ZNF277: variants seen among roughly 807,000 people sequenced by gnomAD.
The protein encoded by ZNF277 is nuclear receptor-interacting factor 4.
A neutral mutation model predicts 60.7 loss-of-function variants in ZNF277; 55 were observed. The observed-to-expected ratio is 0.91, with a 90% CI of 0.73 to 1.13. The LOEUF is 1.13. Among genes scored for constraint, ZNF277 ranks in the 50% most tolerant of loss-of-function variants. The pLI, the probability that ZNF277 is intolerant of heterozygous loss-of-function variation, is 0.00. For synonymous variants in ZNF277, 178 were observed against 179.3 expected (o/e 0.99, Z 0.06); for missense variants, 510 against 523.0 (o/e 0.98, Z 0.24).
chr7:112,299,053 G>T lies in ZNF277; in HGVS notation c.465+2742G>T, dbSNP rs550815168. On this transcript the variant is annotated intron_variant, in intron 4 of 11. Transcript: ENST00000361822. ...GGGAAAGCAGAGGCAGTTTACAATA[G>T]CCCGCCACTGGAATTCTGATTAGAG... 1.1e-3 allele frequency among the ~76,000 whole-genome samples: 169 copies of T among 152,168 alleles called. 5 individuals carry two copies. The South Asian group carries it at 0.017, about 15-fold the overall frequency.
intron 1 of ZNF277, among the ~76,000 whole-genome samples, chr7:112,224,575 G>A (rs1822127770): frequency 6.6e-6 from 1 of 152,178 alleles, no homozygotes; most frequent in African/African-American, 2.4e-5. Flanking sequence ...GGCAGGCCAG[G>A]GTAATCAGAT....
chr7:112,340,161 G>T (rs1793415372), intron 10 of ZNF277, among the ~76,000 whole-genome samples: 2 of 152,174 alleles, frequency 1.3e-5, no homozygotes, highest in African/African-American at 4.8e-5. Flanking sequence ...TCATAAATTG[G>T]AGGGGGCTAG....
chr7:112,296,268 C>G lies in ZNF277; in HGVS notation c.422C>G (p.Pro141Arg). 6.3e-7 allele frequency: 1 copy of G among 1,592,810 alleles called. No individual in the cohort carries two copies. The highest frequency in any genetic ancestry group is 1.1e-5 in the South Asian group (1 of 87,012). ...ENYFLLCDVL[P>R]EDRILREELQ... is the part of the protein sequence containing the mutation. ...TATTTTTTGTTATGTGACGTTTTACCAGAAGATAGAATTCTTAGAGAAGAG... is the reference window on the plus strand; with the variant it reads ...TATTTTTTGTTATGTGACGTTTTACGAGAAGATAGAATTCTTAGAGAAGAG... The change falls in exon 4 of 12, where the codon CCA becomes CGA. Residue 141 changes from proline (P) to arginine (R), a missense_variant. By Grantham distance (103) the Pro-to-Arg change is moderately radical (BLOSUM62 -2). Coordinates refer to ENST00000361822, the MANE Select transcript of ZNF277 (RefSeq NM_021994.3).
chr7:112,237,573 A>G (rs974330400), intron 1 of ZNF277, among the ~76,000 whole-genome samples: 5 of 152,148 alleles, frequency 3.3e-5, no homozygotes, highest in South Asian at 2.1e-4. Flanking sequence ...ACTAAACAAC[A>G]CTATGCTCAC....
intron 1 of ZNF277, among the ~76,000 whole-genome samples, chr7:112,208,343 C>T (rs898100720): frequency 6.6e-6 from 1 of 151,902 alleles, no homozygotes; most frequent in Non-Finnish European, 1.5e-5. Context: ...CACTGCACTC[C>T]AGCCTGGGAG....
intron 1 of ZNF277, among the ~76,000 whole-genome samples, chr7:112,213,095 A>G (rs1821795930): frequency 6.6e-6 from 1 of 152,204 alleles, no homozygotes; most frequent in South Asian, 2.1e-4. Context: ...AGATAATTGA[A>G]TCATAGGGGC....
chr7:112,277,874 C>T (rs1349817795), intron 1 of ZNF277, among the ~76,000 whole-genome samples: 1 of 152,162 alleles, frequency 6.6e-6, no homozygotes, highest in Non-Finnish European at 1.5e-5. Flanking sequence ...GCACCAAATA[C>T]AAATCTATTG....
In ZNF277 at chr7:112,299,869, C is replaced by T. The variant is rs569077323; in HGVS notation, c.465+3558C>T. Among the ~76,000 whole-genome samples the T allele has an allele frequency of 2.9e-4, 44 of 152,220 alleles. 1 individual carries two copies. In the South Asian group the frequency reaches 6.0e-3, roughly 21 times the overall value. ...CATTTGCTGACTTGATTTGCATTAA[C>T]GATGATTTGCATATGTATTATTCTT... On this transcript the variant is annotated intron_variant, in intron 4 of 11. Transcript: ENST00000361822.
At chr7:112,267,443 G>A (rs1232970172) in intron 1 of ZNF277, among the ~76,000 whole-genome samples, 1 of 152,108 alleles carries the variant, frequency 6.6e-6, no homozygotes, top group African/African-American at 2.4e-5. Flanking sequence ...TTATCTTACT[G>A]AAAATTATCA....
chr7:112,290,372 T>G (rs1039722048), intron 2 of ZNF277, among the ~76,000 whole-genome samples: 11 of 152,186 alleles, frequency 7.2e-5, no homozygotes, highest in African/African-American at 2.4e-4. Flanking sequence ...ATTAATCTCA[T>G]TATCCTAATA....
intron 4 of ZNF277, among the ~76,000 whole-genome samples, chr7:112,305,226 A>G (rs973477259): frequency 6.6e-6 from 1 of 151,914 alleles, no homozygotes; most frequent in East Asian, 1.9e-4. Flanking sequence ...TTCCTTAAAA[A>G]TAATAATAAT....
At chr7:112,322,088 C>T (rs1792996366) in intron 5 of ZNF277, among the ~76,000 whole-genome samples, 1 of 152,096 alleles carries the variant, frequency 6.6e-6, no homozygotes, top group African/African-American at 2.4e-5. Context: ...TCCCCTGCCC[C>T]ACCAGGATTT....
intron 1 of ZNF277, among the ~76,000 whole-genome samples, chr7:112,229,839 G>A (rs1247532808): frequency 6.6e-6 from 1 of 152,194 alleles, no homozygotes; most frequent in African/African-American, 2.4e-5. Flanking sequence ...GGCAGTTAGG[G>A]TAGGCTTCAC....
intron 1 of ZNF277, among the ~76,000 whole-genome samples, chr7:112,248,306 T>G (rs1469245072): frequency 1.7e-3 from 220 of 127,042 alleles, no homozygotes; most frequent in Admixed American, 2.2e-3. Flanking sequence ...GAATAGGGGG[T>G]GGGGGTTGAG....
At chr7:112,252,984 C>A (rs1452722502) in intron 1 of ZNF277, among the ~76,000 whole-genome samples, 1 of 152,152 alleles carries the variant, frequency 6.6e-6, no homozygotes, top group Non-Finnish European at 1.5e-5. Context: ...AGAGAGGAAG[C>A]AGGCCTATAA....
intron 5 of ZNF277, among the ~76,000 whole-genome samples, chr7:112,326,985 T>G (rs10272976): frequency 0.34 from 52,341 of 152,036 alleles, 12,259 homozygotes; most frequent in African/African-American, 0.67. Flanking sequence ...TGGTCATTGT[T>G]TTGCAGGTTA....
At chr7:112,326,058 G>A (rs1048054438) in intron 5 of ZNF277, among the ~76,000 whole-genome samples, 2 of 152,164 alleles carry the variant, frequency 1.3e-5, no homozygotes, top group African/African-American at 2.4e-5. Context: ...GCCCCAGAGA[G>A]GTTGAGAGCC....
chr7:112,220,235 T>C (rs1484410125), intron 1 of ZNF277, among the ~76,000 whole-genome samples: 1 of 152,210 alleles, frequency 6.6e-6, no homozygotes, highest in Admixed American at 6.5e-5. Flanking sequence ...CATCAGTATT[T>C]TATAGTTTTC....
chr7:112,281,837 T>A (rs1361688869), intron 1 of ZNF277, among the ~76,000 whole-genome samples: 1 of 152,226 alleles, frequency 6.6e-6, no homozygotes, highest in East Asian at 1.9e-4. Flanking sequence ...TATTTTTATT[T>A]ATTTTTTTCT....
Sources: gnomAD v4.1 joint callset for allele counts (sites outside exome capture counted in the v4.1 genomes callset) on GRCh38, gnomAD v4.1.1 for gene constraint, MANE v1.5 for transcripts, NCBI Gene and HGNC (gene_info 2026-07-23, HGNC 2026-07-21) for gene names.